RBFOX1: variants seen among roughly 807,000 people sequenced by gnomAD.
RBFOX1 encodes RNA binding protein fox-1 homolog 1.
RBFOX1 carries 8 observed loss-of-function variants against 57.7 expected under a neutral mutation model. That is an observed-to-expected ratio of 0.14 (90% CI 0.08 to 0.25). The LOEUF is 0.25. Among genes scored for constraint, RBFOX1 ranks in the 10% least tolerant of loss-of-function variants. RBFOX1 has a pLI of 1.00. For synonymous variants in RBFOX1, 326 were observed against 222.4 expected (o/e 1.47, Z -4.15); for missense variants, 611 against 548.5 (o/e 1.11, Z -1.14).
At chr16:6,712,670 G>T (rs1475888922) in intron 3 of RBFOX1, among the ~76,000 whole-genome samples, 1 of 152,066 alleles carries the variant, frequency 6.6e-6, no homozygotes, top group East Asian at 1.9e-4. Context: ...TGATAGGCAT[G>T]GCAGCCAAAA....
At chr16:7,057,345 C>T (rs753092691) in intron 4 of RBFOX1, among the ~76,000 whole-genome samples, 1 of 152,178 alleles carries the variant, frequency 6.6e-6, no homozygotes, top group African/African-American at 2.4e-5. Flanking sequence ...GGAATCAGAG[C>T]TTAGAATGGG....
At chr16:6,425,984 G>A (rs552457307) in intron 2 of RBFOX1, among the ~76,000 whole-genome samples, 4 of 152,000 alleles carry the variant, frequency 2.6e-5, no homozygotes, top group African/African-American at 9.6e-5. Flanking sequence ...CTACCACTAG[G>A]TACACCTCAT....
chr16:5,783,266 T>C (rs2054386261), intron 3 of RBFOX1, among the ~76,000 whole-genome samples: 1 of 152,234 alleles, frequency 6.6e-6, no homozygotes. Context: ...TAACTATCTT[T>C]TCAATCTATG....
At chr16:7,367,185 G>A (rs553092511) in intron 4 of RBFOX1, among the ~76,000 whole-genome samples, 1 of 152,256 alleles carries the variant, frequency 6.6e-6, no homozygotes, top group South Asian at 2.1e-4. Context: ...ACACTCTGGG[G>A]AATGGCTGAG....
At chr16:6,791,208 G>C (rs1392098755) in intron 3 of RBFOX1, among the ~76,000 whole-genome samples, 1 of 152,076 alleles carries the variant, frequency 6.6e-6, no homozygotes, top group East Asian at 1.9e-4. Context: ...CACCCGGCCT[G>C]TTCTTGTCTA....
At chr16:5,989,073 C>T (rs1305085962) in intron 4 of RBFOX1, among the ~76,000 whole-genome samples, 1 of 151,722 alleles carries the variant, frequency 6.6e-6, no homozygotes, top group Non-Finnish European at 1.5e-5. Flanking sequence ...GTAATCCCAG[C>T]ACTTTGGGAG....
At chr16:5,377,779 C>T (rs1419139444) in intron 1 of RBFOX1, among the ~76,000 whole-genome samples, 1 of 151,394 alleles carries the variant, frequency 6.6e-6, no homozygotes, top group African/African-American at 2.5e-5. Flanking sequence ...TGAACTGCAC[C>T]TCTCATCAGG....
chr16:6,470,794 C>G (rs2095156597), intron 2 of RBFOX1, among the ~76,000 whole-genome samples: 1 of 152,158 alleles, frequency 6.6e-6, no homozygotes, highest in South Asian at 2.1e-4. Flanking sequence ...TGTTTTTATC[C>G]TTTTTTTAAC....
intron 3 of RBFOX1, among the ~76,000 whole-genome samples, chr16:6,817,480 G>C (rs1344378563): frequency 6.6e-6 from 1 of 150,476 alleles, no homozygotes; most frequent in Non-Finnish European, 1.5e-5. Flanking sequence ...GATTGGTTGA[G>C]GTCAAGAGTT....
chr16:6,685,854 T>C (rs1367890551), intron 3 of RBFOX1, among the ~76,000 whole-genome samples: 1 of 152,130 alleles, frequency 6.6e-6, no homozygotes, highest in Non-Finnish European at 1.5e-5. Context: ...TAATAAATAT[T>C]TCTGTCTTAA....
At chr16:6,888,897 C>T (rs1338428634) in intron 3 of RBFOX1, among the ~76,000 whole-genome samples, 2 of 152,106 alleles carry the variant, frequency 1.3e-5, no homozygotes, top group Non-Finnish European at 2.9e-5. Flanking sequence ...ATTATTTTAG[C>T]ATCTGAATTC....
At chr16:6,016,294 G>A (rs1309660292), upstream of RBFOX1, among the ~76,000 whole-genome samples, 1 of 152,114 alleles carries the variant, frequency 6.6e-6, no homozygotes, top group African/African-American at 2.4e-5. Flanking sequence ...GGATTGGCAG[G>A]GAGAAAGTGA....
At chr16:5,652,626 C>A (rs561981430) in intron 3 of RBFOX1, among the ~76,000 whole-genome samples, 2 of 152,196 alleles carry the variant, frequency 1.3e-5, no homozygotes, top group Non-Finnish European at 2.9e-5. Flanking sequence ...CACCCACTCA[C>A]CCACCCGGCT....
intron 2 of RBFOX1, among the ~76,000 whole-genome samples, chr16:6,361,559 C>T (rs555000050): frequency 1.3e-5 from 2 of 150,486 alleles, no homozygotes; most frequent in African/African-American, 2.5e-5. Flanking sequence ...ACCCAGGAGG[C>T]GGAGGTTGCA....
chr16:7,107,251 C>G (rs1379746191), intron 4 of RBFOX1, among the ~76,000 whole-genome samples: 2 of 152,090 alleles, frequency 1.3e-5, no homozygotes, highest in Non-Finnish European at 2.9e-5. Context: ...GATCAGCACA[C>G]TGTGAGCTGG....
chr16:6,423,993 G>A lies in RBFOX1; in HGVS notation c.-64+106936G>A, dbSNP rs549144233. Among the ~76,000 whole-genome samples, 265 of 152,208 alleles carry A rather than the reference G, an allele frequency of 1.7e-3. 1 individual carries two copies. Among genetic ancestry groups the A allele is most frequent in the African/African-American group, 5.8e-3 (239 of 41,534 alleles). On this transcript the variant is annotated intron_variant, in intron 2 of 15. Coordinates refer to ENST00000550418, the MANE Select transcript of RBFOX1 (RefSeq NM_018723.4). Reference sequence around the variant, plus strand: ...GGTGGCTCACGCCTGTAATCTCAGCGCTTTGGGAGGCCGAGGCAGGTGGAT... The same window carrying A: ...GGTGGCTCACGCCTGTAATCTCAGCACTTTGGGAGGCCGAGGCAGGTGGAT...
At chr16:5,445,006 T>G (rs2068198753) in intron 1 of RBFOX1, among the ~76,000 whole-genome samples, 1 of 152,188 alleles carries the variant, frequency 6.6e-6, no homozygotes, top group Non-Finnish European at 1.5e-5. Flanking sequence ...TTCCTCCTCC[T>G]CCTTCTGTTT....
intron 14 of RBFOX1, among the ~76,000 whole-genome samples, chr16:7,677,723 G>C (rs879467737): frequency 6.6e-6 from 1 of 152,164 alleles, no homozygotes; most frequent in Non-Finnish European, 1.5e-5. Context: ...CATTGAGGGT[G>C]CTTATTTTGG....
At chr16:7,465,897 C>G (rs1008442220) in intron 4 of RBFOX1, among the ~76,000 whole-genome samples, 2 of 151,950 alleles carry the variant, frequency 1.3e-5, no homozygotes, top group Non-Finnish European at 2.9e-5. Context: ...TTTTTTTGCC[C>G]CAAAGCATCT....
Sources: allele counts gnomAD v4.1 joint callset (sites outside exome capture counted in the v4.1 genomes callset), GRCh38; gene constraint gnomAD v4.1.1; transcripts MANE v1.5; gene names NCBI Gene and HGNC (gene_info 2026-07-23, HGNC 2026-07-21).